MYO3A: variants seen among roughly 807,000 people sequenced by gnomAD.
MYO3A encodes the protein myosin IIIA.
A neutral mutation model predicts 192.7 loss-of-function variants in MYO3A; 180 were observed. That is an observed-to-expected ratio of 0.93 (90% CI 0.83 to 1.06). The LOEUF (loss-of-function observed/expected upper bound fraction) is 1.06, where lower values mean the gene tolerates loss of function less well. MYO3A is among the 50% of genes least tolerant of loss of function. The pLI, the probability that MYO3A is intolerant of heterozygous loss-of-function variation, is 0.00. For synonymous variants in MYO3A, 628 were observed against 645.3 expected (o/e 0.97, Z 0.41); for missense variants, 1,896 against 1,905.0 (o/e 1.00, Z 0.09).
intron 31 of MYO3A, among the ~76,000 whole-genome samples, chr10:26,186,775 T>G (rs1842888607): frequency 6.6e-6 from 1 of 152,224 alleles, no homozygotes; most frequent in Non-Finnish European, 1.5e-5. Context: ...CTTTGCATAT[T>G]AAAAATATGA....
At chr10:26,156,056 G>A (rs769132476) in intron 25 of MYO3A, among the ~76,000 whole-genome samples, 6 of 152,112 alleles carry the variant, frequency 3.9e-5, no homozygotes, top group African/African-American at 1.4e-4. Flanking sequence ...AAAAACCAGC[G>A]CCTAAATTGC....
At position 26,096,472 on chromosome 10, in the gene MYO3A, C is replaced by T; in HGVS notation, c.1654C>T (p.Pro552Ser). ...LAHYKLPENKPPRYLQNDHLR... is the reference protein window; with the variant it reads ...LAHYKLPENKSPRYLQNDHLR... ...CCATTACAAACTGCCTGAAAATAAG[C>T]CTCCCAGGTAATCTACCAGGTTGAG... The change falls in exon 16 of 35, where the codon CCT (proline) becomes TCT (serine). Residue 552 changes from proline to serine, a missense_variant. Physicochemically the swap from Pro to Ser is moderately conservative, Grantham distance 74. Coordinates refer to ENST00000642920, the MANE Select transcript of MYO3A (RefSeq NM_017433.5). 1 of 1,612,700 alleles carries T rather than the reference C, an allele frequency of 6.2e-7. No individual in the cohort carries two copies. Among genetic ancestry groups the T allele is most frequent in the Non-Finnish European group, 8.5e-7 (1 of 1,178,872 alleles).
At chr10:26,138,495 A>T (rs1407699298) in intron 20 of MYO3A, among the ~76,000 whole-genome samples, 2 of 152,244 alleles carry the variant, frequency 1.3e-5, no homozygotes, top group African/African-American at 2.4e-5. Context: ...GTAGCTTGTC[A>T]TATCTCAAGA....
chr10:26,182,759 T>C (rs1269565709), intron 31 of MYO3A, among the ~76,000 whole-genome samples: 1 of 152,202 alleles, frequency 6.6e-6, no homozygotes, highest in Admixed American at 6.5e-5. Flanking sequence ...TAAACATGTA[T>C]TTTGGTTGTT....
chr10:25,940,975 A>C (rs1169917956), intron 2 of MYO3A, among the ~76,000 whole-genome samples: 3 of 152,188 alleles, frequency 2.0e-5, no homozygotes, highest in Non-Finnish European at 4.4e-5. Context: ...GAAACTTCTC[A>C]GTCATTATTG....
At chr10:26,103,207 C>G (rs1278773274) in intron 17 of MYO3A, among the ~76,000 whole-genome samples, 1 of 152,224 alleles carries the variant, frequency 6.6e-6, no homozygotes, top group Admixed American at 6.5e-5. Context: ...GATATAATCT[C>G]CTGGTGTGCC....
At position 26,066,856 on chromosome 10, in the gene MYO3A, C is replaced by T. The variant is rs1002787562; in HGVS notation, c.954-119C>T. On this transcript the variant is annotated intron_variant, in intron 10 of 34. Coordinates refer to ENST00000642920, the MANE Select transcript of MYO3A (RefSeq NM_017433.5). Reference sequence around the variant, plus strand: ...AATATATTAGGCTATTTTCTGGTATCTTATCATTGAATTTAATAAACAGAT... The same window carrying T: ...AATATATTAGGCTATTTTCTGGTATTTTATCATTGAATTTAATAAACAGAT... The T allele has an allele frequency of 7.1e-5, 50 of 701,616 alleles. No individual in the cohort carries two copies. The African/African-American group carries it at 8.4e-4, about 12-fold the overall frequency. The allele number at this position is 701,616 out of a possible 1,614,324, so 43.5% of individuals were successfully genotyped here.
chr10:25,937,999 G>A (rs1486254349), intron 2 of MYO3A, among the ~76,000 whole-genome samples: 1 of 152,170 alleles, frequency 6.6e-6, no homozygotes, highest in Non-Finnish European at 1.5e-5. Context: ...CTGTTTTAAT[G>A]TTCTGTAAGA....
intron 4 of MYO3A, among the ~76,000 whole-genome samples, chr10:25,965,325 A>G (rs1342899054): frequency 6.6e-6 from 1 of 152,090 alleles, no homozygotes; most frequent in Non-Finnish European, 1.5e-5. Context: ...GTGTTTAGAA[A>G]TGTCATCTGG....
At chr10:25,980,450 TTAAAGGAA>T (rs1839259913) in intron 4 of MYO3A, among the ~76,000 whole-genome samples, 2 of 152,286 alleles carry the variant, frequency 1.3e-5, no homozygotes, top group South Asian at 4.1e-4. Flanking sequence ...CTTGTTGATT[TTAAAGGAA>T]TAAATTATGA....
At chr10:26,145,972 A>C (rs1398330373) in intron 22 of MYO3A, among the ~76,000 whole-genome samples, 2 of 152,262 alleles carry the variant, frequency 1.3e-5, no homozygotes, top group South Asian at 4.2e-4. Context: ...TTTGGTATAG[A>C]CTGCCTTTTT....
chr10:26,112,591 C>T (rs1838255699), intron 17 of MYO3A, among the ~76,000 whole-genome samples: 1 of 152,170 alleles, frequency 6.6e-6, no homozygotes, highest in Non-Finnish European at 1.5e-5. Context: ...AGTGACTCTC[C>T]AATACAGTCT....
At chr10:26,084,289 T>C (rs1290445174) in intron 14 of MYO3A, among the ~76,000 whole-genome samples, 1 of 152,218 alleles carries the variant, frequency 6.6e-6, no homozygotes, top group Non-Finnish European at 1.5e-5. Flanking sequence ...CAGGGATAGA[T>C]TTTGCTTGGA....
intron 29 of MYO3A, among the ~76,000 whole-genome samples, chr10:26,171,412 A>C (rs1306443197): frequency 2.6e-5 from 4 of 151,918 alleles, no homozygotes; most frequent in Non-Finnish European, 5.9e-5. Context: ...CGTTCTCTTC[A>C]CCCACCGCTA....
intron 6 of MYO3A, among the ~76,000 whole-genome samples, chr10:25,998,472 T>A (rs1234393556): frequency 1.3e-5 from 2 of 152,114 alleles, no homozygotes; most frequent in African/African-American, 4.8e-5. Flanking sequence ...GATTAATAAC[T>A]GGGGTGCAGC....
chr10:26,205,717 T>C (rs780200416), intron 34 of MYO3A, among the ~76,000 whole-genome samples: 4 of 145,090 alleles, frequency 2.8e-5, no homozygotes, highest in Non-Finnish European at 4.5e-5. Flanking sequence ...CCTGGGTTCA[T>C]GCCATTCTCC....
Position 26,026,502 on chromosome 10 carries a change from A to G in MYO3A, c.923A>G (p.His308Arg), listed in dbSNP as rs1468753133. The G allele has an allele frequency of 1.2e-6, 2 of 1,614,196 alleles. No individual in the cohort carries two copies. The highest frequency in any genetic ancestry group is 2.2e-5 in the East Asian group (1 of 44,862). Residue 308 changes from histidine to arginine, a missense_variant, in exon 10 of 35, where the codon CAT (histidine) becomes CGT (arginine). His to Arg is a conservative substitution (Grantham distance 29). Transcript: ENST00000642920. ...CAACTAACGGAATTCATTGGCATCC[A>G]TCAATGCATGGGAGGCACAGAAAAG... ...QKQLTEFIGI[H>R]QCMGGTEKAR...
At chr10:25,947,019 T>A (rs1037169424) in intron 2 of MYO3A, among the ~76,000 whole-genome samples, 1 of 152,106 alleles carries the variant, frequency 6.6e-6, no homozygotes, top group Non-Finnish European at 1.5e-5. Context: ...CCCCTTTCTG[T>A]TTCTCTTTTC....
intron 4 of MYO3A, among the ~76,000 whole-genome samples, chr10:25,995,176 T>C (rs916423532): frequency 6.6e-6 from 1 of 152,234 alleles, no homozygotes; most frequent in African/African-American, 2.4e-5. Flanking sequence ...TCTTTTCACA[T>C]AGTCCCATGT....
Sources: allele counts gnomAD v4.1 joint callset (sites outside exome capture counted in the v4.1 genomes callset), GRCh38; gene constraint gnomAD v4.1.1; transcripts MANE v1.5; gene names NCBI Gene and HGNC (gene_info 2026-07-23, HGNC 2026-07-21).